The following DYNC1H1 variants were observed in gnomAD, a reference collection of about 807,000 sequenced individuals.
DYNC1H1 encodes cytoplasmic dynein 1 heavy chain 1.
A neutral mutation model predicts 527.1 loss-of-function variants in DYNC1H1; 51 were observed. The observed-to-expected ratio is 0.10, with a 90% CI of 0.08 to 0.12. The LOEUF (loss-of-function observed/expected upper bound fraction) is 0.12, where lower values mean the gene tolerates loss of function less well. Ranked by LOEUF, DYNC1H1 falls within the 10% of genes least tolerant of loss-of-function variation. The pLI, the probability that DYNC1H1 is intolerant of heterozygous loss-of-function variation, is 1.00. For missense variants in DYNC1H1, 2,771 were observed against 5,971.8 expected, an observed-to-expected ratio of 0.46 and a Z score of 17.66; for synonymous variants, 2,189 against 2,278.8, an observed-to-expected ratio of 0.96 and a Z score of 1.12.
chr14:101,993,361 T>C (rs1396915260), intron 11 of DYNC1H1, among the ~76,000 whole-genome samples: 1 of 152,194 alleles, frequency 6.6e-6, no homozygotes, highest in African/African-American at 2.4e-5. Flanking sequence ...AAAGCAAGTT[T>C]TAGATTCTAA....
chr14:102,038,218 A>G lies in DYNC1H1; in HGVS notation c.10909-242A>G. On this transcript the variant is annotated intron_variant, in intron 57 of 77. Coordinates refer to ENST00000360184, the MANE Select transcript of DYNC1H1 (RefSeq NM_001376.5). This position sits in a 1 kb window ranked among gnomAD's most constrained non-coding sequence, Gnocchi z 7.2. ...GGTCTCGAACTCCTGACCTCAAGTG[A>G]TCTGCCTGCCTCAGCCTCCCAAAGT... 1 of 555,770 alleles carries G rather than the reference A, an allele frequency of 1.8e-6. No homozygotes were observed. Among genetic ancestry groups the G allele is most frequent in the Non-Finnish European group, 3.2e-6 (1 of 308,358 alleles). The allele number at this position is 555,770 out of a possible 1,614,324, so 34.4% of individuals were successfully genotyped here. A position where few individuals can be genotyped will look rare whatever the true frequency, so the allele number is the denominator to read the frequency against.
Position 102,018,560 on chromosome 14 carries a change from C to A in DYNC1H1, c.8287C>A (p.Arg2763=). 6.2e-7 allele frequency: 1 copy of A among 1,614,046 alleles called. No homozygotes were observed. The highest frequency in any genetic ancestry group is 8.5e-7 in the Non-Finnish European group (1 of 1,180,044). Reference sequence around the variant, plus strand: ...CATGCTGAGGCTCATTCCATCCCTGCGGACGTATGCAGAGCCGCTCACTGC... The same window carrying A: ...CATGCTGAGGCTCATTCCATCCCTGAGGACGTATGCAGAGCCGCTCACTGC... ...RAMLRLIPSL[R]TYAEPLTAAM... Residue 2763 remains arginine (R), a synonymous_variant, in exon 41 of 78, where the codon CGG becomes AGG. Transcript: ENST00000360184. This position sits in a 1 kb window ranked among gnomAD's most constrained non-coding sequence, Gnocchi z 5.2.
At chr14:102,026,061 G>A (rs1030237519) in intron 43 of DYNC1H1, among the ~76,000 whole-genome samples, 1 of 151,078 alleles carries the variant, frequency 6.6e-6, no homozygotes, top group African/African-American at 2.4e-5. Context: ...GTTGCAGTGA[G>A]CTGAGATCGT....
At chr14:102,046,504 G>A (rs945793606) in intron 72 of DYNC1H1, among the ~76,000 whole-genome samples, 4 of 134,688 alleles carry the variant, frequency 3.0e-5, no homozygotes, top group Non-Finnish European at 3.4e-5. Flanking sequence ...CGAGCTGGGC[G>A]GGTCTGGAGG....
Position 101,986,625 on chromosome 14 carries a change from C to G in DYNC1H1, c.2400C>G (p.Thr800=), listed in dbSNP as rs146746729. Residue 800 remains threonine (T), a synonymous_variant, in exon 8 of 78, where the codon ACC becomes ACG. Coordinates refer to ENST00000360184, the MANE Select transcript of DYNC1H1 (RefSeq NM_001376.5). This position sits in a 1 kb window ranked among gnomAD's most constrained non-coding sequence, Gnocchi z 8.7. ...RTCEKVEERN[T]ISLLVAGLKK... is the part of the protein sequence containing the mutation. Reference sequence around the variant, plus strand: ...GCGAGAAGGTGGAGGAGCGGAACACCATTTCCCTTTTGGTGGCTGGCTTGA... The same window carrying G: ...GCGAGAAGGTGGAGGAGCGGAACACGATTTCCCTTTTGGTGGCTGGCTTGA... The G allele has an allele frequency of 6.2e-7, 1 of 1,612,946 alleles. No homozygotes were observed. Among genetic ancestry groups the G allele is most frequent in the Non-Finnish European group, 8.5e-7 (1 of 1,179,114 alleles).
intron 51 of DYNC1H1, chr14:102,030,703 G>T (rs2048501193): frequency 3.9e-6 from 1 of 254,924 alleles, no homozygotes; most frequent in Non-Finnish European, 7.7e-6. Context: ...TTTAAGTATT[G>T]ATAGCAGTCA....
In DYNC1H1 at chr14:101,997,573, C is replaced by T. The variant is rs558683221; in HGVS notation, c.3804+299C>T. Among the ~76,000 whole-genome samples the T allele has an allele frequency of 6.6e-6, 1 of 152,110 alleles. No individual in the cohort carries two copies. The highest frequency in any genetic ancestry group is 1.5e-5 in the Non-Finnish European group (1 of 68,030). The stretch of plus-strand genomic sequence containing the variant: ...AAATTAGAGTTTAATTTCCTGTAGA[C>T]AAAGGCCAAGCTTTCCACTGCTGCT... On this transcript the variant is annotated intron_variant, in intron 16 of 77. Transcript: ENST00000360184. This position sits in a 1 kb window ranked among gnomAD's most constrained non-coding sequence, Gnocchi z 4.8.
Position 102,016,889 on chromosome 14 carries a change from C to G in DYNC1H1, c.7738C>G (p.Leu2580Val), listed in dbSNP as rs748663437. ...GCTGGACACAGTCCGCCACGAAGCC[C>G]TCTTGTACACTTGGCTGGCCGAACA... ...PTLDTVRHEA[L>V]LYTWLAEHKP... Residue 2580 changes from leucine (L) to valine (V), a missense_variant, in exon 38 of 78, where the codon CTC becomes GTC. Leu to Val is a conservative substitution (Grantham distance 32, BLOSUM62 1). This residue lies in a region of DYNC1H1 where 71 missense variants were observed against 143.6 expected (regional missense o/e 0.49). Transcript: ENST00000360184. The surrounding 1 kb of genome is among the most constrained non-coding windows in gnomAD (Gnocchi z 7.3). 7 of 1,614,114 alleles carry G rather than the reference C, an allele frequency of 4.3e-6. No individual in the cohort carries two copies. The highest frequency in any genetic ancestry group is 1.3e-5 in the African/African-American group (1 of 74,944).
At chr14:102,031,815 G>A (rs761855818) in intron 51 of DYNC1H1, among the ~76,000 whole-genome samples, 24 of 152,242 alleles carry the variant, frequency 1.6e-4, no homozygotes, top group South Asian at 4.1e-4. Flanking sequence ...TTAGCTGGGC[G>A]TGGTGGTGCA....
Position 102,039,259 on chromosome 14 carries a change from G to A in DYNC1H1, c.11460+5G>A, listed in dbSNP as rs1413520127. ...ACCATGGAGTCCCTCAAGCAGGTGG[G>A]TGCCTTGGCCATGCAGAGACTGGCG... On this transcript the variant is annotated splice_donor_5th_base_variant and intron_variant, in intron 60 of 77. Coordinates refer to ENST00000360184, the MANE Select transcript of DYNC1H1 (RefSeq NM_001376.5). The surrounding 1 kb of genome is among the most constrained non-coding windows in gnomAD (Gnocchi z 7.0). 1 of 1,613,262 alleles carries A rather than the reference G, an allele frequency of 6.2e-7. No homozygotes were observed. Among genetic ancestry groups the A allele is most frequent in the Non-Finnish European group, 8.5e-7 (1 of 1,180,014 alleles).
chr14:101,982,786 T>C (rs1228491595), intron 5 of DYNC1H1, among the ~76,000 whole-genome samples: 1 of 151,402 alleles, frequency 6.6e-6, no homozygotes, highest in Non-Finnish European at 1.5e-5. Context: ...TCTCTGAGGC[T>C]GCCACCTTCA....
At chr14:102,008,393 T>C in intron 29 of DYNC1H1, 56 bp downstream of exon 29, 1 of 1,595,552 alleles carries the variant, frequency 6.3e-7, no homozygotes, top group Non-Finnish European at 8.6e-7. Flanking sequence ...AATTCCCTAG[T>C]GAACTAATTT....
At position 102,023,044 on chromosome 14, in the gene DYNC1H1, C is replaced by T. The variant is rs996259854; in HGVS notation, c.8637+164C>T. ...TTGGGAGGCTGAGGCAGGAGGATCA[C>T]TTGATCCCAGGAGTTTGAGACCAGC... On this transcript the variant is annotated intron_variant, in intron 43 of 77. Coordinates refer to ENST00000360184, the MANE Select transcript of DYNC1H1 (RefSeq NM_001376.5). The T allele has an allele frequency of 2.7e-5, 31 of 1,150,454 alleles. 1 individual carries two copies. In the South Asian group the frequency reaches 4.1e-4, roughly 15 times the overall value. The allele number at this position is 1,150,454 out of a possible 1,614,324, so 71.3% of individuals were successfully genotyped here. A position where few individuals can be genotyped will look rare whatever the true frequency, so the allele number is the denominator to read the frequency against.
rs1457974167 is a variant in DYNC1H1, at chr14:102,015,724, G to A, written c.7243-132G>A. 2.0e-6 allele frequency: 2 copies of A among 1,018,942 alleles called. No individual in the cohort carries two copies. Among genetic ancestry groups the A allele is most frequent in the Non-Finnish European group, 3.0e-6 (2 of 676,362 alleles). The allele number at this position is 1,018,942 out of a possible 1,614,324, so 63.1% of individuals were successfully genotyped here. On this transcript the variant is annotated intron_variant, in intron 35 of 77. Coordinates refer to ENST00000360184, the MANE Select transcript of DYNC1H1 (RefSeq NM_001376.5). The surrounding 1 kb of genome is among the most constrained non-coding windows in gnomAD (Gnocchi z 6.9). ...AGAACCACCAGGGTGAAGGAATGAGGACTGGTCATTGAAGCTTCATCCAAA... is the reference window on the plus strand; with the variant it reads ...AGAACCACCAGGGTGAAGGAATGAGAACTGGTCATTGAAGCTTCATCCAAA...
chr14:102,019,327 T>C (rs1277694681), intron 41 of DYNC1H1, among the ~76,000 whole-genome samples: 1 of 152,252 alleles, frequency 6.6e-6, no homozygotes, highest in Non-Finnish European at 1.5e-5. Flanking sequence ...ATTTCTCTGT[T>C]GAGCCTCCCA....
intron 29 of DYNC1H1, 36 bp downstream of exon 29, chr14:102,008,373 T>C (rs374232296): frequency 2.8e-5 from 45 of 1,611,950 alleles, no homozygotes; most frequent in Non-Finnish European, 1.7e-6. Flanking sequence ...ACTTAGAGAA[T>C]GTAGAGGGAA....
intron 23 of DYNC1H1, 36 bp from the exon 24 acceptor site, chr14:102,004,479 TATA>T (rs1415521000): frequency 6.3e-7 from 1 of 1,580,696 alleles, no homozygotes; most frequent in East Asian, 2.3e-5. Flanking sequence ...TATATGTGTA[TATA>T]ATATTTTTGC....
At position 102,055,561 on chromosome 14, in the gene DYNC1H1, T is replaced by TCGACCTGGCCAAGGCTCCA. The variant is rs1284130912; in HGVS notation, c.*5001_*5019dup. Reference sequence around the variant, plus strand: ...TCCGGACATCTGTTCAGCACCCCCCTCGACCTGGCCAAGGCTCCACGCACC... The same window carrying TCGACCTGGCCAAGGCTCCA: ...TCCGGACATCTGTTCAGCACCCCCCTCGACCTGGCCAAGGCTCCACGACCTGGCCAAGGCTCCACGCACC... On this transcript the variant is annotated 3_prime_UTR_variant, in exon 78 of 78. Coordinates refer to ENST00000360184, the MANE Select transcript of DYNC1H1 (RefSeq NM_001376.5). The TCGACCTGGCCAAGGCTCCA allele has an allele frequency of 6.7e-6, 1 of 149,024 alleles. No individual in the cohort carries two copies. Among genetic ancestry groups the TCGACCTGGCCAAGGCTCCA allele is most frequent in the African/African-American group, 2.5e-5 (1 of 39,938 alleles). The allele number at this position is 149,024 out of a possible 1,614,324, so 9.2% of individuals were successfully genotyped here. A position where few individuals can be genotyped will look rare whatever the true frequency, so the allele number is the denominator to read the frequency against.
chr14:102,046,905 C>A (rs1001581678), intron 72 of DYNC1H1, among the ~76,000 whole-genome samples: 2 of 151,642 alleles, frequency 1.3e-5, no homozygotes, highest in Admixed American at 6.6e-5. Flanking sequence ...CTCAAGCGAT[C>A]CCCCCACCTC....
Sources: gnomAD v4.1 joint callset for allele counts (sites outside exome capture counted in the v4.1 genomes callset) on GRCh38, gnomAD v4.1.1 for gene constraint, gnomAD v4.1.1 regional missense constraint, Gnocchi (gnomAD v3.1) non-coding constraint, MANE v1.5 for transcripts, NCBI Gene and HGNC (gene_info 2026-07-23, HGNC 2026-07-21) for gene names.